The following DHRS7 variants were observed in gnomAD, a reference collection of about 807,000 sequenced individuals.
DHRS7 encodes the protein dehydrogenase/reductase SDR family member 7.
Under a neutral mutation model 38.9 loss-of-function variants are expected in DHRS7, and 34 were observed. The observed-to-expected ratio is 0.87, with a 90% confidence interval of 0.66 to 1.16. DHRS7 has a LOEUF of 1.16. Ranked by LOEUF, DHRS7 falls within the 50% of genes most tolerant of loss-of-function variation. DHRS7 has a pLI of 0.00. For missense variants in DHRS7, 421 were observed against 407.0 expected (o/e 1.03, Z -0.30); for synonymous variants, 158 against 153.1 (o/e 1.03, Z -0.24).
At chr14:60,165,492 C>T, upstream of DHRS7, 1 of 1,325,010 alleles carries the variant, frequency 7.5e-7, no homozygotes, top group Non-Finnish European at 9.6e-7. The surrounding 1 kb of genome is among the most constrained non-coding windows in gnomAD (Gnocchi z 4.6). Flanking sequence ...CTCGCGGCCC[C>T]ACTCGCGGTC....
intron 1 of DHRS7, among the ~76,000 whole-genome samples, chr14:60,163,030 C>T (rs150095920): frequency 3.9e-5 from 6 of 152,046 alleles, no homozygotes; most frequent in East Asian, 1.9e-4. Flanking sequence ...CTTACCCATG[C>T]GTGGTGGCAC....
upstream of DHRS7, chr14:60,168,617 A>T: frequency 6.8e-7 from 1 of 1,461,194 alleles, no homozygotes; most frequent in Middle Eastern, 1.8e-4. Context: ...TTCTTAAAAT[A>T]TGCAAATATT....
Position 60,149,403 on chromosome 14 carries a change from T to C in DHRS7, c.922A>G (p.Ile308Val), listed in dbSNP as rs758822114. ...CTTTTCTTCCCCATCTTGTTGGTTA[T>C]CCACCAGGCCCAGGTTGGCATGTAT... ...WQYMPTWAWW[I>V]TNKMGKKRIE... is the part of the protein sequence containing the mutation. The change falls in exon 6 of 7, where the codon ATA (isoleucine) becomes GTA (valine). Residue 308 changes from isoleucine to valine, a missense_variant. Transcript: ENST00000557185. 16 of 1,614,092 alleles carry C rather than the reference T, an allele frequency of 9.9e-6. No individual in the cohort carries two copies. The African/African-American group carries it at 1.9e-4, about 19-fold the overall frequency.
At chr14:60,154,180 G>A (rs1298940781) in intron 2 of DHRS7, 115 bp from the exon 3 acceptor site, 15 of 745,690 alleles carry the variant, frequency 2.0e-5, no homozygotes, top group South Asian at 5.0e-5. Flanking sequence ...ATTTCTGGGT[G>A]GCCCTGTGAA....
At chr14:60,159,387 C>A in intron 1 of DHRS7, 1 of 292,328 alleles carries the variant, frequency 3.4e-6, no homozygotes. Flanking sequence ...ATATGTTGGA[C>A]AGATTTCAAA....
intron 4 of DHRS7, among the ~76,000 whole-genome samples, chr14:60,151,188 AG>A (rs1193521374): frequency 6.6e-6 from 1 of 152,170 alleles, no homozygotes; most frequent in Non-Finnish European, 1.5e-5. Context: ...GGGTAATAAG[AG>A]GGTATGTGGC....
chr14:60,152,555 A>G (rs1896567288), intron 4 of DHRS7: 1 of 217,308 alleles, frequency 4.6e-6, no homozygotes, highest in Non-Finnish European at 9.4e-6. Context: ...CCTGAAGTGT[A>G]TGTAGAAGAA....
intron 4 of DHRS7, among the ~76,000 whole-genome samples, chr14:60,151,001 T>C (rs1050571176): frequency 6.6e-6 from 1 of 152,198 alleles, no homozygotes; most frequent in Non-Finnish European, 1.5e-5. Flanking sequence ...TGAGAATCAC[T>C]GAGGTCAGGT....
At chr14:60,150,234 A>T (rs777369369) in intron 4 of DHRS7, 47 bp from the exon 5 acceptor site, 26 of 1,452,888 alleles carry the variant, frequency 1.8e-5, no homozygotes, top group Non-Finnish European at 2.2e-5. Context: ...ATAAATACAG[A>T]CACATATCTC....
rs182376438 is a variant in DHRS7, at chr14:60,155,379, G to A, written c.286+621C>T. On this transcript the variant is annotated intron_variant, in intron 2 of 6. Coordinates refer to ENST00000557185, the MANE Select transcript of DHRS7 (RefSeq NM_016029.4). ...TACAAGAATCGCTTGAACCTGTGAG[G>A]CGGAAGTTGCAATGAGCCAAGATCA... is the stretch of plus-strand genomic sequence containing the variant. Among the ~76,000 whole-genome samples the A allele has an allele frequency of 5.8e-4, 89 of 152,246 alleles. 1 individual carries two copies. The highest frequency in any genetic ancestry group is 1.3e-4 in the Non-Finnish European group (9 of 68,016).
chr14:60,160,339 ACTT>A lies in DHRS7; in HGVS notation c.134-4190_134-4188del, dbSNP rs1222061947. 1.3e-3 allele frequency among the ~76,000 whole-genome samples: 199 copies of A among 149,626 alleles called. 1 individual carries two copies. Among genetic ancestry groups the A allele is most frequent in the South Asian group, 3.0e-3 (14 of 4,738 alleles). Reference sequence around the variant, plus strand: ...TCAAAAAACAAAAAACAAAAAAAAAACTTCTTTTTTTTTTTTTTTTTTACAAAA... The same window carrying A: ...TCAAAAAACAAAAAACAAAAAAAAAACTTTTTTTTTTTTTTTTTTACAAAA... On this transcript the variant is annotated intron_variant, in intron 1 of 6. Coordinates refer to ENST00000557185, the MANE Select transcript of DHRS7 (RefSeq NM_016029.4).
At chr14:60,155,977 G>A (rs774335525) in intron 2 of DHRS7, 23 bp downstream of exon 2, 11 of 1,494,576 alleles carry the variant, frequency 7.4e-6, no homozygotes, top group South Asian at 2.7e-5. Flanking sequence ...AGGAAGCACC[G>A]CTGCTATTTC....
At position 60,144,814 on chromosome 14, in the gene DHRS7, T is replaced by G; in HGVS notation, c.*152A>C. 1 of 672,842 alleles carries G rather than the reference T, an allele frequency of 1.5e-6. No homozygotes were observed. Among genetic ancestry groups the G allele is most frequent in the Non-Finnish European group, 2.6e-6 (1 of 385,530 alleles). 41.7% of individuals were successfully genotyped at this position (672,842 alleles called of 1,614,324 possible). On this transcript the variant is annotated 3_prime_UTR_variant, in exon 7 of 7. Coordinates refer to ENST00000557185, the MANE Select transcript of DHRS7 (RefSeq NM_016029.4). ...ATTCATGGCAATCTTTTATTATTTA[T>G]TTTTTATTTCATTCCATGTTGGAAG...
Position 60,144,314 on chromosome 14 carries a change from T to C in DHRS7, c.*652A>G, listed in dbSNP as rs1389884068. 1 of 152,414 alleles carries C rather than the reference T, an allele frequency of 6.6e-6. No individual in the cohort carries two copies. The highest frequency in any genetic ancestry group is 6.5e-5 in the Admixed American group (1 of 15,288). The allele number at this position is 152,414 out of a possible 1,614,324, so 9.4% of individuals were successfully genotyped here. On this transcript the variant is annotated 3_prime_UTR_variant, in exon 7 of 7. Coordinates refer to ENST00000557185, the MANE Select transcript of DHRS7 (RefSeq NM_016029.4). ...GCTTTGTGTGAAATATTCTATACAT[T>C]TATGTTGCTATGGTTTGGATGTTTT...
In DHRS7 at chr14:60,150,270, ATG is replaced by A. The variant is rs1333776698; in HGVS notation, c.634-85_634-84del. 5 of 1,307,844 alleles carry A rather than the reference ATG, an allele frequency of 3.8e-6. No individual in the cohort carries two copies. In the South Asian group the frequency reaches 7.1e-5, roughly 18 times the overall value. 81.0% of individuals were successfully genotyped at this position (1,307,844 alleles called of 1,614,324 possible). A position where few individuals can be genotyped will look rare whatever the true frequency, so the allele number is the denominator to read the frequency against. The stretch of plus-strand genomic sequence containing the variant: ...ATGATTTATCAAAATATGTTCTAAA[ATG>A]TGTGAGTAAAGGACAGGTAGTGTAA... On this transcript the variant is annotated intron_variant, in intron 4 of 6. Coordinates refer to ENST00000557185, the MANE Select transcript of DHRS7 (RefSeq NM_016029.4).
At position 60,148,172 on chromosome 14, in the gene DHRS7, T is replaced by C. The variant is rs1402946722; in HGVS notation, c.972+1181A>G. The C allele has an allele frequency of 6.6e-6, 1 of 152,234 alleles. No individual in the cohort carries two copies. Among genetic ancestry groups the C allele is most frequent in the African/African-American group, 2.4e-5 (1 of 41,466 alleles). 9.4% of individuals were successfully genotyped at this position (152,234 alleles called of 1,614,324 possible). A position where few individuals can be genotyped will look rare whatever the true frequency, so the allele number is the denominator to read the frequency against. On this transcript the variant is annotated intron_variant, in intron 6 of 6. Transcript: ENST00000557185. This position sits in a 1 kb window ranked among gnomAD's most constrained non-coding sequence, Gnocchi z 4.8. ...GTGTTTGTAACTTTTTACCCCCTAA[T>C]TCATTTTCACTGTCCTGCAAAGAGT...
At chr14:60,152,816 C>T (rs1436669054) in intron 4 of DHRS7, 123 bp downstream of exon 4, 1 of 1,109,478 alleles carries the variant, frequency 9.0e-7, no homozygotes, top group Non-Finnish European at 1.3e-6. Context: ...TACCAAAAGT[C>T]TCCTTGGGTC....
upstream of DHRS7, among the ~76,000 whole-genome samples, chr14:60,169,336 C>T (rs1358754688): frequency 6.6e-6 from 1 of 152,080 alleles, no homozygotes; most frequent in Non-Finnish European, 1.5e-5. Flanking sequence ...GTGTGCAAAC[C>T]ACCATGTATT....
intron 2 of DHRS7, chr14:60,155,782 G>A: frequency 2.8e-6 from 1 of 361,518 alleles, no homozygotes; most frequent in Non-Finnish European, 4.9e-6. Flanking sequence ...ACTCCCTAAT[G>A]CCAAGAGTCA....
Sources: gnomAD v4.1 joint callset for allele counts (sites outside exome capture counted in the v4.1 genomes callset) on GRCh38, gnomAD v4.1.1 for gene constraint, Gnocchi (gnomAD v3.1) non-coding constraint, MANE v1.5 for transcripts, NCBI Gene and HGNC (gene_info 2026-07-23, HGNC 2026-07-21) for gene names.